Variants in ASTN2 observed in about 807,000 individuals in gnomAD.
The protein encoded by ASTN2 is astrotactin 2.
In ASTN2, 54 loss-of-function variants were observed where a neutral mutation model predicts 139.8. That is an observed-to-expected ratio of 0.39 (90% CI 0.31 to 0.48). The LOEUF is 0.48. Ranked by LOEUF, ASTN2 falls within the 20% of genes least tolerant of loss-of-function variation. ASTN2 has a pLI of 0.95. For synonymous variants in ASTN2, 756 were observed against 719.5 expected (o/e 1.05, Z -0.81); for missense variants, 1,565 against 1,725.1 (o/e 0.91, Z 1.64).
intron 1 of ASTN2, among the ~76,000 whole-genome samples, chr9:117,400,392 G>T (rs1830792618): frequency 6.6e-6 from 1 of 152,190 alleles, no homozygotes. Flanking sequence ...AAGCAGGGAG[G>T]CAAGTGAGTG....
chr9:116,540,117 A>C (rs1041113024), intron 19 of ASTN2, among the ~76,000 whole-genome samples: 11 of 152,196 alleles, frequency 7.2e-5, no homozygotes, highest in African/African-American at 2.7e-4. Flanking sequence ...GCTGTAAAAT[A>C]CTGGCTGTAT....
At chr9:116,991,883 G>A (rs1836866152) in intron 7 of ASTN2, among the ~76,000 whole-genome samples, 1 of 152,204 alleles carries the variant, frequency 6.6e-6, no homozygotes, top group Admixed American at 6.5e-5. Flanking sequence ...TCTCCCTGGT[G>A]ACTGACTCAA....
intron 13 of ASTN2, among the ~76,000 whole-genome samples, chr9:116,801,717 A>G (rs1489145084): frequency 1.3e-5 from 2 of 152,082 alleles, no homozygotes; most frequent in East Asian, 1.9e-4. Flanking sequence ...CTGACTTAGC[A>G]TGGTTCCAAG....
chr9:116,726,016 G>T (rs1420379551), intron 15 of ASTN2, 66 bp from the exon 16 acceptor site: 39 of 1,491,648 alleles, frequency 2.6e-5, no homozygotes, highest in Non-Finnish European at 3.4e-5. Flanking sequence ...AAATTATACG[G>T]TGGCAGGAGT....
chr9:117,144,816 G>A (rs1186019332), intron 3 of ASTN2, among the ~76,000 whole-genome samples: 1 of 151,300 alleles, frequency 6.6e-6, no homozygotes, highest in Non-Finnish European at 1.5e-5. Flanking sequence ...CGAGTAGCTG[G>A]GATTATAGGC....
chr9:116,774,318 C>T (rs867021734), intron 13 of ASTN2, among the ~76,000 whole-genome samples: 11 of 152,212 alleles, frequency 7.2e-5, no homozygotes, highest in Middle Eastern at 6.8e-3. Flanking sequence ...ATCTGTATCT[C>T]GTGCTTTCTA....
At chr9:116,455,742 TA>T (rs201681693) in intron 20 of ASTN2, among the ~76,000 whole-genome samples, 17 of 134,540 alleles carry the variant, frequency 1.3e-4, no homozygotes, top group South Asian at 2.4e-4. Flanking sequence ...ATCTAAAAAG[TA>T]AAAAAAAAAT....
intron 3 of ASTN2, among the ~76,000 whole-genome samples, chr9:117,163,769 CT>C (rs1292358359): frequency 1.3e-5 from 2 of 151,912 alleles, no homozygotes; most frequent in African/African-American, 2.4e-5. Context: ...ATTAATAAGT[CT>C]TTTTTCCCCC....
At chr9:116,779,517 G>A (rs1202333602) in intron 13 of ASTN2, among the ~76,000 whole-genome samples, 3 of 150,202 alleles carry the variant, frequency 2.0e-5, no homozygotes, top group Non-Finnish European at 4.4e-5. Context: ...TTTTTTTATA[G>A]CAACACAGAC....
At chr9:117,298,732 G>GTATA (rs368189490) in intron 1 of ASTN2, among the ~76,000 whole-genome samples, 2 of 111,934 alleles carry the variant, frequency 1.8e-5, no homozygotes, top group Admixed American at 9.2e-5. Context: ...GTGTGTGTGT[G>GTATA]TATATATATA....
intron 2 of ASTN2, among the ~76,000 whole-genome samples, chr9:117,263,860 C>A (rs755384155): frequency 6.6e-6 from 1 of 152,032 alleles, no homozygotes; most frequent in Non-Finnish European, 1.5e-5. Context: ...CGGTGGGACA[C>A]GTTTATTGAT....
rs1377997241 is a variant in ASTN2 at position 116,749,618 on chromosome 9, G to C, written c.2397-16095C>G. On this transcript the variant is annotated intron_variant, in intron 13 of 22. Transcript: ENST00000313400. ...ATGGTGTGTCTATTTCCCTACTTTT[G>C]GGGGGCAGGAACTAACTGATATGGT... Among the ~76,000 whole-genome samples the C allele has an allele frequency of 3.9e-5, 6 of 152,030 alleles. No homozygotes were observed. The South Asian group carries it at 6.2e-4, about 16-fold the overall frequency.
At chr9:116,920,846 T>A (rs1057381591) in intron 10 of ASTN2, among the ~76,000 whole-genome samples, 8 of 152,226 alleles carry the variant, frequency 5.3e-5, no homozygotes, top group Non-Finnish European at 1.2e-4. Context: ...ACGTAGCTAG[T>A]AGGAGCAAAG....
At chr9:117,404,996 G>A (rs776143373) in intron 1 of ASTN2, among the ~76,000 whole-genome samples, 6 of 152,166 alleles carry the variant, frequency 3.9e-5, no homozygotes, top group Admixed American at 1.3e-4. Flanking sequence ...GAGGCATCTG[G>A]AGAGTATGAG....
At chr9:117,132,811 G>C (rs1457472663) in intron 4 of ASTN2, among the ~76,000 whole-genome samples, 1 of 152,168 alleles carries the variant, frequency 6.6e-6, no homozygotes, top group Non-Finnish European at 1.5e-5. Flanking sequence ...CCTAATCAAA[G>C]ATACATGCCA....
chr9:117,373,123 T>G (rs1830030743), intron 1 of ASTN2, among the ~76,000 whole-genome samples: 2 of 152,180 alleles, frequency 1.3e-5, no homozygotes. Context: ...TATTGAGGGC[T>G]AAGTATGAGC....
chr9:116,478,125 A>T (rs1849048780), intron 20 of ASTN2, among the ~76,000 whole-genome samples: 1 of 137,252 alleles, frequency 7.3e-6, no homozygotes, highest in Non-Finnish European at 1.6e-5. Flanking sequence ...GTAGGGAGGG[A>T]GAAAGGAAGG....
chr9:116,478,164 GAGGAGGGAAGGGGAGGGAGA>G, intron 20 of ASTN2, among the ~76,000 whole-genome samples: 1 of 131,338 alleles, frequency 7.6e-6, no homozygotes, highest in South Asian at 2.9e-4. Flanking sequence ...GGAAGGGAAG[GAGGAGGGAAGGGGAGGGAGA>G]AAGGAAGGAA....
chr9:116,565,388 C>CTATAT (rs1564120372), intron 19 of ASTN2, among the ~76,000 whole-genome samples: 5 of 34,012 alleles, frequency 1.5e-4, no homozygotes, highest in African/African-American at 2.8e-4. Flanking sequence ...TCTCTCTCTC[C>CTATAT]ATATATATAT....
Sources: gnomAD v4.1 joint callset for allele counts (sites outside exome capture counted in the v4.1 genomes callset) on GRCh38, gnomAD v4.1.1 for gene constraint, MANE v1.5 for transcripts, NCBI Gene and HGNC (gene_info 2026-07-23, HGNC 2026-07-21) for gene names.